Variants in HMCN1 observed in about 807,000 individuals in gnomAD.
HMCN1 encodes hemicentin 1.
In HMCN1, 321 loss-of-function variants were observed where a neutral mutation model predicts 625.9. The observed-to-expected ratio is 0.51, with a 90% CI of 0.47 to 0.56. The LOEUF is 0.56. Among genes scored for constraint, HMCN1 ranks in the 20% least tolerant of loss-of-function variants. HMCN1 has a pLI of 0.00. For missense variants in HMCN1, 6,588 were observed against 6,887.3 expected, an observed-to-expected ratio of 0.96 and a Z score of 1.54; for synonymous variants, 2,425 against 2,417.6, an observed-to-expected ratio of 1.00 and a Z score of -0.09.
chr1:185,783,776 A>C (rs1446637258), intron 1 of HMCN1, among the ~76,000 whole-genome samples: 1 of 152,196 alleles, frequency 6.6e-6, no homozygotes, highest in Non-Finnish European at 1.5e-5. Context: ...CCTCCCAGTT[A>C]GGCTACTCGG....
At chr1:185,968,622 A>G (rs1650589516) in intron 14 of HMCN1, among the ~76,000 whole-genome samples, 2 of 152,118 alleles carry the variant, frequency 1.3e-5, no homozygotes, top group South Asian at 4.1e-4. Flanking sequence ...AAAAGATCTT[A>G]TGCCAGAGAT....
At chr1:185,811,239 A>T (rs542086337) in intron 1 of HMCN1, among the ~76,000 whole-genome samples, 1 of 152,228 alleles carries the variant, frequency 6.6e-6, no homozygotes, top group East Asian at 1.9e-4. Context: ...GACAGGGTAG[A>T]TTCTCTTACA....
At chr1:185,959,263 A>G (rs1243101827) in intron 11 of HMCN1, among the ~76,000 whole-genome samples, 2 of 152,164 alleles carry the variant, frequency 1.3e-5, no homozygotes, top group African/African-American at 4.8e-5. Flanking sequence ...AATCAGACCC[A>G]GCTGACAGGA....
intron 28 of HMCN1, among the ~76,000 whole-genome samples, chr1:186,002,545 G>A (rs1653267137): frequency 6.6e-6 from 1 of 151,978 alleles, no homozygotes; most frequent in Non-Finnish European, 1.5e-5. Context: ...TTAAGTATGA[G>A]TTATAAAAAC....
intron 103 of HMCN1, among the ~76,000 whole-genome samples, chr1:186,175,246 C>A (rs886640127): frequency 2.0e-5 from 3 of 152,130 alleles, no homozygotes; most frequent in Non-Finnish European, 2.9e-5. Context: ...AAAATTAATG[C>A]ATTTATAATC....
At chr1:185,835,992 G>A (rs138722193) in intron 1 of HMCN1, among the ~76,000 whole-genome samples, 3 of 152,244 alleles carry the variant, frequency 2.0e-5, no homozygotes, top group East Asian at 3.9e-4. Flanking sequence ...TAAAAGAGAC[G>A]AAAGCTTGAA....
chr1:185,872,751 G>A (rs1310700787), intron 4 of HMCN1, among the ~76,000 whole-genome samples: 1 of 152,094 alleles, frequency 6.6e-6, no homozygotes, highest in Non-Finnish European at 1.5e-5. Flanking sequence ...TTTTGTATAT[G>A]GGCTCTGGGA....
chr1:185,792,981 G>A (rs571390811), intron 1 of HMCN1, among the ~76,000 whole-genome samples: 1 of 152,188 alleles, frequency 6.6e-6, no homozygotes, highest in Non-Finnish European at 1.5e-5. Flanking sequence ...AAACTATCTA[G>A]TGTATAGGAG....
At chr1:185,820,042 GC>G (rs1660090108) in intron 1 of HMCN1, among the ~76,000 whole-genome samples, 1 of 152,158 alleles carries the variant, frequency 6.6e-6, no homozygotes, top group South Asian at 2.1e-4. Flanking sequence ...TGATAAGGGG[GC>G]AAAAGGTTTG....
In HMCN1 at chr1:186,003,798, G is replaced by T; in HGVS notation, c.4429G>T (p.Val1477Phe). 1 of 1,612,988 alleles carries T rather than the reference G, an allele frequency of 6.2e-7. No individual in the cohort carries two copies. ...CCGTGACGTCGCCCTTGAATGCCAG[G>T]TCAAAGGCACTCCCTTTCCTGATAT... Reference protein sequence around the residue: ...LNRDVALECQVKGTPFPDIHW... With the variant: ...LNRDVALECQFKGTPFPDIHW... Residue 1477 changes from valine (V) to phenylalanine (F), a missense_variant, in exon 29 of 107, where the codon GTC becomes TTC. Around this residue, in one of 3 missense-constraint regions of HMCN1, gnomAD observed 4,628 missense variants for 4,853.1 expected, o/e 0.95. Coordinates refer to ENST00000271588, the MANE Select transcript of HMCN1 (RefSeq NM_031935.3).
chr1:186,087,516 T>A lies in HMCN1; in HGVS notation c.9234T>A (p.Ser3078=), dbSNP rs775931330. 55 of 1,613,238 alleles carry A rather than the reference T, an allele frequency of 3.4e-5. No homozygotes were observed. Among genetic ancestry groups the A allele is most frequent in the Non-Finnish European group, 4.5e-5 (53 of 1,179,546 alleles). The change falls in exon 60 of 107, where the codon TCT becomes TCA. Residue 3078 remains serine (S), a synonymous_variant. Coordinates refer to ENST00000271588, the MANE Select transcript of HMCN1 (RefSeq NM_031935.3). The part of the protein sequence containing the change: ...VVNVREGTSV[S]LECESNAVPP... ...ATGTAAGAGAGGGAACTTCTGTGTC[T>A]TTGGAGTGTGAGTCGAACGCTGTGC...
At chr1:185,841,945 A>G (rs1661502105) in intron 1 of HMCN1, among the ~76,000 whole-genome samples, 1 of 152,222 alleles carries the variant, frequency 6.6e-6, no homozygotes, top group South Asian at 2.1e-4. Flanking sequence ...TACCTTGTGA[A>G]CTTGATATAT....
At chr1:185,776,390 C>A (rs1456172605) in intron 1 of HMCN1, among the ~76,000 whole-genome samples, 1 of 151,702 alleles carries the variant, frequency 6.6e-6, no homozygotes, top group East Asian at 1.9e-4. Context: ...AAGTGAGGAA[C>A]ATGCCCATCA....
At chr1:185,755,133 C>T (rs1655051824) in intron 1 of HMCN1, among the ~76,000 whole-genome samples, 1 of 152,010 alleles carries the variant, frequency 6.6e-6, no homozygotes, top group African/African-American at 2.4e-5. Flanking sequence ...TTTTTATTTT[C>T]TTGTGCTATC....
intron 1 of HMCN1, among the ~76,000 whole-genome samples, chr1:185,801,296 G>C (rs1658776320): frequency 6.6e-6 from 1 of 152,170 alleles, no homozygotes; most frequent in Non-Finnish European, 1.5e-5. Flanking sequence ...AGAAAAATAA[G>C]TGCTCTGGAA....
intron 38 of HMCN1, among the ~76,000 whole-genome samples, chr1:186,039,373 T>G (rs933962998): frequency 6.6e-6 from 1 of 151,946 alleles, no homozygotes. Flanking sequence ...CATACTACAG[T>G]GGATGCAGTG....
rs1040552713 is a variant in HMCN1 at position 186,184,485 on chromosome 1, C to T, written c.16414+2198C>T. Among the ~76,000 whole-genome samples the T allele has an allele frequency of 3.3e-5, 5 of 152,178 alleles. No individual in the cohort carries two copies. In the South Asian group the frequency reaches 8.3e-4, roughly 25 times the overall value. ...CTGCAAAATAAACAAAAAGCATGAC[C>T]AATCAAGAATTGCCTAAGACACAGA... On this transcript the variant is annotated intron_variant, in intron 105 of 106. Coordinates refer to ENST00000271588, the MANE Select transcript of HMCN1 (RefSeq NM_031935.3).
Position 185,856,383 on chromosome 1 carries a change from G to A in HMCN1, c.340-8087G>A, listed in dbSNP as rs762452060. ...CGGGCACCTGTAATCCCAGCTACTCGGGAGGCTGAGGCAGGAGAATCTCTT... is the reference window on the plus strand; with the variant it reads ...CGGGCACCTGTAATCCCAGCTACTCAGGAGGCTGAGGCAGGAGAATCTCTT... On this transcript the variant is annotated intron_variant, in intron 2 of 106. Coordinates refer to ENST00000271588, the MANE Select transcript of HMCN1 (RefSeq NM_031935.3). Among the ~76,000 whole-genome samples, 23 of 151,840 alleles carry A rather than the reference G, an allele frequency of 1.5e-4. 1 individual carries two copies. Among genetic ancestry groups the A allele is most frequent in the Admixed American group, 1.3e-3 (20 of 15,248 alleles).
intron 7 of HMCN1, 138 bp from the exon 8 acceptor site, chr1:185,923,252 A>G (rs952281166): frequency 7.1e-6 from 5 of 706,678 alleles, no homozygotes; most frequent in Non-Finnish European, 1.2e-5. Flanking sequence ...TCTTTTATGT[A>G]GAAACAATTC....
Sources: gnomAD v4.1 joint callset for allele counts (sites outside exome capture counted in the v4.1 genomes callset) on GRCh38, gnomAD v4.1.1 for gene constraint, gnomAD v4.1.1 regional missense constraint, MANE v1.5 for transcripts, NCBI Gene and HGNC (gene_info 2026-07-23, HGNC 2026-07-21) for gene names.